The following ADAMTS9 variants were observed in gnomAD, a reference collection of about 807,000 sequenced individuals.
ADAMTS9 encodes A disintegrin and metalloproteinase with thrombospondin motifs 9.
A neutral mutation model predicts 257.1 loss-of-function variants in ADAMTS9; 107 were observed. The ratio of observed to expected loss-of-function variants is 0.42; its 90% CI spans 0.36 to 0.49. ADAMTS9 has a LOEUF of 0.49. Among genes scored for constraint, ADAMTS9 ranks in the 20% least tolerant of loss-of-function variants. ADAMTS9 has a pLI of 0.03. For missense variants in ADAMTS9, 2,353 were observed against 2,469.1 expected (o/e 0.95, Z 1.00); for synonymous variants, 982 against 880.9 (o/e 1.11, Z -2.03).
At chr3:64,648,443 C>T (rs935226601) in intron 10 of ADAMTS9, among the ~76,000 whole-genome samples, 1 of 152,214 alleles carries the variant, frequency 6.6e-6, no homozygotes, top group Non-Finnish European at 1.5e-5. Context: ...TTAAGCTTTA[C>T]AACTGCACCA....
At chr3:64,685,671 C>T (rs1316962385) in intron 2 of ADAMTS9, among the ~76,000 whole-genome samples, 1 of 152,208 alleles carries the variant, frequency 6.6e-6, no homozygotes, top group Non-Finnish European at 1.5e-5. Flanking sequence ...CGTGGATTCC[C>T]TGCTAAATGC....
At chr3:64,527,913 T>G (rs1419952876) in intron 38 of ADAMTS9, among the ~76,000 whole-genome samples, 3 of 152,192 alleles carry the variant, frequency 2.0e-5, no homozygotes, top group African/African-American at 7.2e-5. Context: ...TGTGTACACA[T>G]GTGTGTTTAT....
intron 3 of ADAMTS9, among the ~76,000 whole-genome samples, chr3:64,664,242 G>A (rs577568274): frequency 2.8e-4 from 43 of 151,990 alleles, no homozygotes; most frequent in African/African-American, 8.2e-4. Flanking sequence ...TTCCTCCTAC[G>A]TAGTTTTACA....
intron 28 of ADAMTS9, among the ~76,000 whole-genome samples, chr3:64,574,442 G>A (rs374620282): frequency 2.0e-5 from 3 of 151,242 alleles, no homozygotes; most frequent in East Asian, 3.9e-4. Context: ...ATACAGCATG[G>A]CTGGTCACTC....
chr3:64,539,099 A>G (rs2083088920), intron 37 of ADAMTS9, 104 bp downstream of exon 37: 1 of 1,195,640 alleles, frequency 8.4e-7, no homozygotes, highest in African/African-American at 1.5e-5. Context: ...TGCCCTCTAG[A>G]GCAACTGTTC....
chr3:64,646,187 C>T (rs915810494), intron 11 of ADAMTS9, among the ~76,000 whole-genome samples: 1 of 152,146 alleles, frequency 6.6e-6, no homozygotes, highest in African/African-American at 2.4e-5. Context: ...CAAACAGATT[C>T]AATTTAAGTA....
intron 28 of ADAMTS9, among the ~76,000 whole-genome samples, chr3:64,593,235 ACC>A: frequency 1.3e-5 from 2 of 152,118 alleles, no homozygotes; most frequent in East Asian, 3.9e-4. Context: ...TGCAGACACG[ACC>A]CCAGCCATTG....
At chr3:64,656,476 T>C (rs1701073179) in intron 4 of ADAMTS9, among the ~76,000 whole-genome samples, 1 of 152,140 alleles carries the variant, frequency 6.6e-6, no homozygotes, top group Non-Finnish European at 1.5e-5. Flanking sequence ...AACTCTGGGC[T>C]GGGTACTATT....
At chr3:64,588,385 C>CA (rs2084199384) in intron 28 of ADAMTS9, 1 of 151,922 alleles carries the variant, frequency 6.6e-6, no homozygotes, top group South Asian at 2.1e-4. Flanking sequence ...CCCTGGCCTA[C>CA]AATAGGCACT....
chr3:64,595,257 G>A (rs1249230983), intron 27 of ADAMTS9, among the ~76,000 whole-genome samples: 2 of 152,164 alleles, frequency 1.3e-5, no homozygotes, highest in Non-Finnish European at 2.9e-5. Flanking sequence ...ATCTCTGAAT[G>A]TGAGGACAAC....
chr3:64,564,400 T>A (rs2083488159), intron 29 of ADAMTS9, among the ~76,000 whole-genome samples: 1 of 152,250 alleles, frequency 6.6e-6, no homozygotes, highest in African/African-American at 2.4e-5. Context: ...TAGTTTTATA[T>A]ACTTTCTTCC....
At chr3:64,641,023 T>C (rs529089357) in intron 12 of ADAMTS9, among the ~76,000 whole-genome samples, 54 of 152,220 alleles carry the variant, frequency 3.5e-4, no homozygotes, top group African/African-American at 1.3e-3. Flanking sequence ...CTCAGCTGTC[T>C]CACCTGTAAT....
chr3:64,601,420 C>T (rs1402415606), intron 26 of ADAMTS9, among the ~76,000 whole-genome samples: 2 of 152,144 alleles, frequency 1.3e-5, no homozygotes, highest in Admixed American at 6.5e-5. Context: ...TGCTGATAAC[C>T]TTAAGGTTAG....
Position 64,687,272 on chromosome 3 carries a change from A to C in ADAMTS9, c.115+271T>G, listed in dbSNP as rs1701940039. ...ATGACGCTATCTGGTGCCCCCAATT[A>C]CTAAGTTACTTTAGTTTGCGGCGTG... On this transcript the variant is annotated intron_variant, in intron 1 of 39. Coordinates refer to ENST00000498707, the MANE Select transcript of ADAMTS9 (RefSeq NM_182920.2). The surrounding 1 kb of genome is among the most constrained non-coding windows in gnomAD (Gnocchi z 4.4). Among the ~76,000 whole-genome samples the C allele has an allele frequency of 1.3e-5, 2 of 152,104 alleles. No homozygotes were observed. Among genetic ancestry groups the C allele is most frequent in the Non-Finnish European group, 2.9e-5 (2 of 68,012 alleles).
chr3:64,615,535 G>T, intron 20 of ADAMTS9, 50 bp from the exon 21 acceptor site: 1 of 1,537,830 alleles, frequency 6.5e-7, no homozygotes, highest in South Asian at 1.3e-5. Flanking sequence ...TTCTTATAAA[G>T]TATGCTGAAG....
intron 16 of ADAMTS9, among the ~76,000 whole-genome samples, chr3:64,628,504 A>T (rs1576134898): frequency 6.6e-6 from 1 of 152,334 alleles, no homozygotes; most frequent in East Asian, 1.9e-4. Flanking sequence ...CTGCAGCCAC[A>T]TGCTCAAATT....
chr3:64,570,789 G>A (rs565718060), intron 28 of ADAMTS9, among the ~76,000 whole-genome samples: 1 of 151,686 alleles, frequency 6.6e-6, no homozygotes, highest in African/African-American at 2.4e-5. Flanking sequence ...CAGTATCAGG[G>A]ATAACTTTCA....
At chr3:64,611,164 G>A (rs1175696285) in intron 22 of ADAMTS9, among the ~76,000 whole-genome samples, 3 of 150,980 alleles carry the variant, frequency 2.0e-5, no homozygotes, top group African/African-American at 7.3e-5. Context: ...CAAAAGAAGT[G>A]AAGCCAGGTA....
intron 38 of ADAMTS9, among the ~76,000 whole-genome samples, chr3:64,528,495 G>A (rs995103159): frequency 9.9e-5 from 15 of 152,118 alleles, no homozygotes; most frequent in Non-Finnish European, 2.1e-4. Context: ...TAGCTGAGCT[G>A]GTGCAGCTAA....
Sources: allele counts gnomAD v4.1 joint callset (sites outside exome capture counted in the v4.1 genomes callset), GRCh38; gene constraint gnomAD v4.1.1; non-coding constraint Gnocchi (gnomAD v3.1); transcripts MANE v1.5; gene names NCBI Gene and HGNC (gene_info 2026-07-23, HGNC 2026-07-21).